Variants in HMGA2 observed in about 807,000 individuals in gnomAD.
HMGA2 encodes high mobility group AT-hook 2.
A neutral mutation model predicts 19.1 loss-of-function variants in HMGA2; 8 were observed. The ratio of observed to expected loss-of-function variants is 0.42; its 90% CI spans 0.25 to 0.76. HMGA2 has a LOEUF of 0.76. HMGA2 is among the 30% of genes least tolerant of loss of function. The pLI, the probability that HMGA2 is intolerant of heterozygous loss-of-function variation, is 0.28. For synonymous variants in HMGA2, 60 were observed against 48.8 expected (o/e 1.23, Z -0.96); for missense variants, 109 against 136.3 (o/e 0.80, Z 1.00).
chr12:65,895,397 C>A (rs1874082963), intron 3 of HMGA2, among the ~76,000 whole-genome samples: 1 of 152,088 alleles, frequency 6.6e-6, no homozygotes, highest in Admixed American at 6.6e-5. Flanking sequence ...AAAATGCCTT[C>A]CTTATGATTA....
In HMGA2 at chr12:65,964,852, T is replaced by C. The variant is rs1876862492; in HGVS notation, c.*1560T>C. The C allele has an allele frequency of 2.1e-5, 4 of 193,516 alleles. No homozygotes were observed. Among genetic ancestry groups the C allele is most frequent in the African/African-American group, 9.3e-5 (4 of 43,168 alleles). 12.0% of individuals were successfully genotyped at this position (193,516 alleles called of 1,614,324 possible). ...GGTTCTTAAGGATAATTTTCCTCAA[T>C]CACACTACACATCACACAAGATTTG... On this transcript the variant is annotated 3_prime_UTR_variant, in exon 5 of 5. Transcript: ENST00000403681.
intron 4 of HMGA2, chr12:65,952,718 C>G: frequency 4.0e-6 from 1 of 251,096 alleles, no homozygotes; most frequent in South Asian, 1.0e-4. Context: ...GTACAAAAAT[C>G]AAGAGAAAGT....
chr12:65,907,790 A>G (rs1315772230), intron 3 of HMGA2, among the ~76,000 whole-genome samples: 2 of 152,292 alleles, frequency 1.3e-5, no homozygotes, highest in Middle Eastern at 3.4e-3. Context: ...GGGAAGTGGT[A>G]GACATGGGAT....
chr12:65,887,313 C>A lies in HMGA2; in HGVS notation c.249+48744C>A, dbSNP rs137968901. Among the ~76,000 whole-genome samples the A allele has an allele frequency of 1.9e-4, 29 of 152,282 alleles. 1 individual carries two copies. The highest frequency in any genetic ancestry group is 7.0e-4 in the African/African-American group (29 of 41,548). On this transcript the variant is annotated intron_variant, in intron 3 of 4. Transcript: ENST00000403681. Reference sequence around the variant, plus strand: ...GAAAATATTTTATACTTAGGCTAGGCACAGTGCTTCATCCCTGTAATCCCA... The same window carrying A: ...GAAAATATTTTATACTTAGGCTAGGAACAGTGCTTCATCCCTGTAATCCCA...
At position 65,888,313 on chromosome 12, in the gene HMGA2, G is replaced by A. The variant is rs537045870; in HGVS notation, c.249+49744G>A. Among the ~76,000 whole-genome samples the A allele has an allele frequency of 3.3e-5, 5 of 151,598 alleles. No homozygotes were observed. The East Asian group carries it at 6.0e-4, about 18-fold the overall frequency. ...TCTACTAAAAATATAAAAGTTAGCC[G>A]GGCGCAGTGGTGTGCGCCTATGATC... On this transcript the variant is annotated intron_variant, in intron 3 of 4. Coordinates refer to ENST00000403681, the MANE Select transcript of HMGA2 (RefSeq NM_003483.6).
intron 3 of HMGA2, among the ~76,000 whole-genome samples, chr12:65,949,350 G>C (rs1876376876): frequency 6.6e-6 from 1 of 151,962 alleles, no homozygotes; most frequent in Admixed American, 6.6e-5. Flanking sequence ...GTACCACTGA[G>C]AGGAACTCTG....
intron 3 of HMGA2, among the ~76,000 whole-genome samples, chr12:65,876,272 T>C (rs915829639): frequency 2.0e-5 from 3 of 152,144 alleles, no homozygotes; most frequent in African/African-American, 7.2e-5. Context: ...GCTCACAGAA[T>C]GGATACTGAG....
intron 2 of HMGA2, chr12:65,828,320 C>A: frequency 2.9e-6 from 1 of 345,432 alleles, no homozygotes; most frequent in Non-Finnish European, 5.3e-6. Context: ...AACAAACAGC[C>A]ACCAAATAAT....
chr12:65,915,167 T>C (rs1426688858), intron 3 of HMGA2: 1 of 1,612,184 alleles, frequency 6.2e-7, no homozygotes, highest in African/African-American at 1.3e-5. Context: ...CTCTTCATGT[T>C]ATTTTCACCT....
intron 3 of HMGA2, among the ~76,000 whole-genome samples, chr12:65,930,809 T>C (rs1875682184): frequency 6.6e-6 from 1 of 152,198 alleles, no homozygotes; most frequent in South Asian, 2.1e-4. Context: ...ACAATCGATA[T>C]CTTAATTTTT....
intron 3 of HMGA2, among the ~76,000 whole-genome samples, chr12:65,897,734 C>G (rs1277844049): frequency 6.6e-6 from 1 of 152,134 alleles, no homozygotes; most frequent in Non-Finnish European, 1.5e-5. Context: ...CCAAGGCAGG[C>G]AGATCACCTG....
At chr12:65,871,858 T>A (rs1458238391) in intron 3 of HMGA2, among the ~76,000 whole-genome samples, 1 of 152,238 alleles carries the variant, frequency 6.6e-6, no homozygotes, top group Non-Finnish European at 1.5e-5. Flanking sequence ...AATCTTTGAT[T>A]ACCAACAATA....
At chr12:65,929,714 G>A (rs1248119000) in intron 3 of HMGA2, among the ~76,000 whole-genome samples, 1 of 152,004 alleles carries the variant, frequency 6.6e-6, no homozygotes, top group East Asian at 1.9e-4. Flanking sequence ...CACCTTACAC[G>A]AAACACTTTG....
At chr12:65,950,071 G>A (rs925695142) in intron 3 of HMGA2, among the ~76,000 whole-genome samples, 1 of 152,098 alleles carries the variant, frequency 6.6e-6, no homozygotes, top group African/African-American at 2.4e-5. Context: ...GCATGTATAC[G>A]GAGCAATTGG....
intron 2 of HMGA2, among the ~76,000 whole-genome samples, chr12:65,835,374 T>A (rs1302672333): frequency 1.3e-5 from 2 of 152,202 alleles, no homozygotes; most frequent in Non-Finnish European, 2.9e-5. Flanking sequence ...TTGATTAGAA[T>A]GATTAAATAA....
intron 3 of HMGA2, among the ~76,000 whole-genome samples, chr12:65,919,253 A>G (rs1416563001): frequency 1.3e-5 from 2 of 152,220 alleles, no homozygotes; most frequent in Non-Finnish European, 1.5e-5. Context: ...CCTAACATAT[A>G]CATTTGGCAT....
At chr12:65,899,849 T>C (rs1030920541) in intron 3 of HMGA2, among the ~76,000 whole-genome samples, 32 of 152,224 alleles carry the variant, frequency 2.1e-4, no homozygotes, top group African/African-American at 7.7e-4. Flanking sequence ...AACTACTGGA[T>C]CACATTTTAC....
chr12:65,904,036 C>G (rs143324842), intron 3 of HMGA2, among the ~76,000 whole-genome samples: 3 of 152,234 alleles, frequency 2.0e-5, no homozygotes, highest in Admixed American at 6.5e-5. Flanking sequence ...CATCGCGTAG[C>G]GATCCATGAG....
intron 3 of HMGA2, chr12:65,882,083 A>C (rs1004475560): frequency 1.8e-6 from 1 of 555,834 alleles, no homozygotes; most frequent in Non-Finnish European, 3.3e-6. Flanking sequence ...GAGGGGAATG[A>C]GCGTGGAAAC....
Sources: allele counts gnomAD v4.1 joint callset (sites outside exome capture counted in the v4.1 genomes callset), GRCh38; gene constraint gnomAD v4.1.1; transcripts MANE v1.5; gene names NCBI Gene and HGNC (gene_info 2026-07-23, HGNC 2026-07-21).